Variants in GRM8 observed in about 807,000 individuals in gnomAD.
GRM8 encodes the protein glutamate metabotropic receptor 8, also known as metabotropic glutamate receptor 8.
In GRM8, 47 loss-of-function variants were observed where a neutral mutation model predicts 87.2. The observed-to-expected ratio is 0.54, with a 90% CI of 0.43 to 0.69. GRM8 has a LOEUF of 0.69. Ranked by LOEUF, GRM8 falls within the 30% of genes least tolerant of loss-of-function variation. The pLI is 0.00. For missense variants in GRM8, 1,019 were observed against 1,139.2 expected (o/e 0.89, Z 1.52); for synonymous variants, 396 against 404.5 (o/e 0.98, Z 0.25).
chr7:126,826,226 G>A (rs1305086601), intron 6 of GRM8, among the ~76,000 whole-genome samples: 2 of 151,966 alleles, frequency 1.3e-5, no homozygotes, highest in African/African-American at 2.4e-5. Context: ...AGTCCTTTGG[G>A]TATTTACCCA....
chr7:127,061,665 C>A (rs1041344891), intron 3 of GRM8, among the ~76,000 whole-genome samples: 3 of 152,132 alleles, frequency 2.0e-5, no homozygotes, highest in Non-Finnish European at 4.4e-5. Flanking sequence ...GTTTCCAGAT[C>A]TTCCTCTACC....
intron 7 of GRM8, among the ~76,000 whole-genome samples, chr7:126,733,813 C>T (rs926588073): frequency 1.3e-5 from 2 of 151,802 alleles, no homozygotes; most frequent in Non-Finnish European, 2.9e-5. Context: ...TTAAAAATTG[C>T]AGTATTAGAG....
chr7:127,239,644 T>C (rs1346939755), intron 2 of GRM8, among the ~76,000 whole-genome samples: 1 of 152,212 alleles, frequency 6.6e-6, no homozygotes, highest in African/African-American at 2.4e-5. Flanking sequence ...CTGATAACTA[T>C]TCTAATATTT....
intron 9 of GRM8, among the ~76,000 whole-genome samples, chr7:126,468,578 T>C (rs777373383): frequency 2.0e-5 from 3 of 152,084 alleles, no homozygotes; most frequent in Non-Finnish European, 4.4e-5. Flanking sequence ...TATTCATCTA[T>C]TCCTTCATTA....
intron 3 of GRM8, among the ~76,000 whole-genome samples, chr7:126,994,751 G>GT (rs200902402): frequency 2.3e-4 from 35 of 150,562 alleles, no homozygotes; most frequent in South Asian, 4.2e-4. Flanking sequence ...AGATTTCTAA[G>GT]TTTTTTTTTT....
intron 3 of GRM8, among the ~76,000 whole-genome samples, chr7:127,052,818 C>T (rs11563771): frequency 0.08 from 12,152 of 152,168 alleles, 530 homozygotes; most frequent in South Asian, 0.13. Context: ...CCTCAAGTTA[C>T]GACTTACATA....
intron 3 of GRM8, among the ~76,000 whole-genome samples, chr7:126,977,558 C>A (rs111575746): frequency 6.6e-6 from 1 of 152,192 alleles, no homozygotes; most frequent in Non-Finnish European, 1.5e-5. Context: ...GATAACCTAG[C>A]ACACATCACC....
chr7:126,764,258 C>T (rs1817951139), intron 7 of GRM8, among the ~76,000 whole-genome samples: 1 of 151,832 alleles, frequency 6.6e-6, no homozygotes, highest in East Asian at 1.9e-4. Context: ...ATAAGAGTAA[C>T]TATAAATATA....
intron 6 of GRM8, among the ~76,000 whole-genome samples, chr7:126,872,961 A>G (rs759392820): frequency 2.7e-4 from 41 of 152,304 alleles, no homozygotes; most frequent in Non-Finnish European, 5.6e-4. Flanking sequence ...CAAAGCACTC[A>G]ACTTATAAAT....
intron 7 of GRM8, among the ~76,000 whole-genome samples, chr7:126,670,805 G>C (rs1806294248): frequency 6.6e-6 from 1 of 152,086 alleles, no homozygotes; most frequent in African/African-American, 2.4e-5. Context: ...CCTTGCTTTA[G>C]TTTTTTTTAT....
chr7:126,896,967 T>G (rs1801604317), intron 6 of GRM8, among the ~76,000 whole-genome samples: 1 of 152,126 alleles, frequency 6.6e-6, no homozygotes, highest in Non-Finnish European at 1.5e-5. Context: ...TCTCTCTATC[T>G]GAAGCACAGT....
At chr7:126,793,242 T>C (rs1400638724) in intron 6 of GRM8, among the ~76,000 whole-genome samples, 2 of 152,208 alleles carry the variant, frequency 1.3e-5, no homozygotes, top group Non-Finnish European at 2.9e-5. Flanking sequence ...TAAGTAATCA[T>C]TGCCGTGTGA....
chr7:126,892,106 A>G (rs1586347003), intron 6 of GRM8, among the ~76,000 whole-genome samples: 1 of 149,952 alleles, frequency 6.7e-6, no homozygotes, highest in Admixed American at 6.7e-5. Flanking sequence ...TAGTTTTAAT[A>G]TTTGTATAAC....
chr7:126,585,210 A>G, intron 8 of GRM8, among the ~76,000 whole-genome samples: 1 of 152,188 alleles, frequency 6.6e-6, no homozygotes, highest in East Asian at 1.9e-4. Flanking sequence ...AGAATATATA[A>G]GGAAGAAATT....
At chr7:126,724,718 G>A (rs1031001347) in intron 7 of GRM8, among the ~76,000 whole-genome samples, 2 of 151,084 alleles carry the variant, frequency 1.3e-5, no homozygotes, top group African/African-American at 4.9e-5. Flanking sequence ...GCCTGAAAAG[G>A]GACAGCTGAA....
chr7:127,087,616 T>C (rs933023805), intron 3 of GRM8, among the ~76,000 whole-genome samples: 3 of 151,870 alleles, frequency 2.0e-5, no homozygotes, highest in Non-Finnish European at 4.4e-5. Context: ...AAATGGGGAG[T>C]TATTTAATCA....
At chr7:126,744,016 C>T (rs985507375) in intron 7 of GRM8, among the ~76,000 whole-genome samples, 4 of 151,994 alleles carry the variant, frequency 2.6e-5, no homozygotes, top group Non-Finnish European at 2.9e-5. Context: ...CTGCTACACA[C>T]TTGCAATGGA....
At chr7:127,042,815 A>C (rs1448945311) in intron 3 of GRM8, among the ~76,000 whole-genome samples, 1 of 152,218 alleles carries the variant, frequency 6.6e-6, no homozygotes, top group Non-Finnish European at 1.5e-5. Context: ...CCACCATCAG[A>C]GTGAACAGGC....
intron 9 of GRM8, among the ~76,000 whole-genome samples, chr7:126,497,863 T>C (rs1403119249): frequency 6.6e-6 from 1 of 151,902 alleles, no homozygotes; most frequent in Non-Finnish European, 1.5e-5. Context: ...AGATCAGCCA[T>C]GAAAGACAAG....
Sources: gnomAD v4.1 joint callset for allele counts (sites outside exome capture counted in the v4.1 genomes callset) on GRCh38, gnomAD v4.1.1 for gene constraint, MANE v1.5 for transcripts, NCBI Gene and HGNC (gene_info 2026-07-23, HGNC 2026-07-21) for gene names.